Variants in TM9SF2 observed in about 807,000 individuals in gnomAD.
TM9SF2 encodes 76 kDa membrane protein.
A neutral mutation model predicts 84.9 loss-of-function variants in TM9SF2; 13 were observed. The ratio of observed to expected loss-of-function variants is 0.15; its 90% CI spans 0.10 to 0.24. The LOEUF (loss-of-function observed/expected upper bound fraction) is 0.24. Ranked by LOEUF, TM9SF2 falls within the 10% of genes least tolerant of loss-of-function variation. The pLI is 1.00. For missense variants in TM9SF2, 562 were observed against 818.5 expected (o/e 0.69, Z 3.82); for synonymous variants, 273 against 285.8 (o/e 0.96, Z 0.45).
Position 99,502,475 on chromosome 13 carries a change from T to C in TM9SF2, c.171+698T>C, listed in dbSNP as rs182684700. Among the ~76,000 whole-genome samples, 3 of 152,348 alleles carry C rather than the reference T, an allele frequency of 2.0e-5. No individual in the cohort carries two copies. The East Asian group carries it at 5.8e-4, about 29-fold the overall frequency. On this transcript the variant is annotated intron_variant, in intron 1 of 16. Coordinates refer to ENST00000376387, the MANE Select transcript of TM9SF2 (RefSeq NM_004800.3). The stretch of plus-strand genomic sequence containing the variant: ...AATACACAAAAAAAGATACGAGGTC[T>C]CACTATTTTCTCTGAGATGGTTTTA...
rs1427498570 is a variant in TM9SF2 at position 99,559,393 on chromosome 13, A to T, written c.1783A>T (p.Thr595Ser). 1 of 1,601,900 alleles carries T rather than the reference A, an allele frequency of 6.2e-7. No homozygotes were observed. Among genetic ancestry groups the T allele is most frequent in the Non-Finnish European group, 8.5e-7 (1 of 1,176,300 alleles). ...TCATTGGCAATGGCGTTCATTCCTT[A>T]CGAGTGGCTTTACTGCAGTTTATTT... ...DYHWQWRSFL[T>S]SGFTAVYFLI... The change falls in exon 16 of 17, where the codon ACG (threonine) becomes TCG (serine). Residue 595 changes from threonine to serine, a missense_variant. Thr to Ser is a moderately conservative substitution (Grantham distance 58, BLOSUM62 1). Coordinates refer to ENST00000376387, the MANE Select transcript of TM9SF2 (RefSeq NM_004800.3).
At chr13:99,561,953 C>G (rs1314749096) in intron 16 of TM9SF2, among the ~76,000 whole-genome samples, 1 of 152,134 alleles carries the variant, frequency 6.6e-6, no homozygotes, top group South Asian at 2.1e-4. Context: ...TCTTTGGAAT[C>G]TAGACTGATA....
At chr13:99,554,901 G>C (rs2046319775) in intron 14 of TM9SF2, among the ~76,000 whole-genome samples, 1 of 152,148 alleles carries the variant, frequency 6.6e-6, no homozygotes, top group African/African-American at 2.4e-5. Flanking sequence ...TGAAGGGATT[G>C]GTCTAGGTGA....
intron 2 of TM9SF2, among the ~76,000 whole-genome samples, chr13:99,519,008 AG>A (rs1461598100): frequency 2.0e-5 from 3 of 152,082 alleles, no homozygotes; most frequent in Non-Finnish European, 4.4e-5. Context: ...GCTAAAATTT[AG>A]TTTAATTTCT....
At chr13:99,527,185 G>T (rs1190709120) in intron 3 of TM9SF2, among the ~76,000 whole-genome samples, 1 of 152,192 alleles carries the variant, frequency 6.6e-6, no homozygotes, top group Non-Finnish European at 1.5e-5. Flanking sequence ...TGGACTTCTG[G>T]TGGTGACTAA....
intron 1 of TM9SF2, among the ~76,000 whole-genome samples, chr13:99,506,253 A>G (rs2046088226): frequency 6.6e-6 from 1 of 152,222 alleles, no homozygotes; most frequent in Non-Finnish European, 1.5e-5. Flanking sequence ...TAATTTGACC[A>G]TAGAAGTAGT....
At chr13:99,513,733 G>A (rs1566563463) in intron 1 of TM9SF2, among the ~76,000 whole-genome samples, 1 of 152,172 alleles carries the variant, frequency 6.6e-6, no homozygotes, top group Non-Finnish European at 1.5e-5. Context: ...TTAAGTGGTT[G>A]GAGAAAACAA....
At chr13:99,552,118 T>G in intron 12 of TM9SF2, 49 bp from the exon 13 acceptor site, 3 of 1,557,912 alleles carry the variant, frequency 1.9e-6, no homozygotes, top group Non-Finnish European at 2.6e-6. Context: ...ATACTACTGT[T>G]GCATTTTGTT....
Position 99,537,721 on chromosome 13 carries a change from T to C in TM9SF2, c.592-18T>C, listed in dbSNP as rs774211578. On this transcript the variant is annotated intron_variant, in intron 5 of 16. Coordinates refer to ENST00000376387, the MANE Select transcript of TM9SF2 (RefSeq NM_004800.3). ...GTAGTCAGTTTTCTACCTTTAACTT[T>C]TAAGTTCTGTTCTGCAGTCAGATTT... is the stretch of plus-strand genomic sequence containing the variant. 4 of 1,584,006 alleles carry C rather than the reference T, an allele frequency of 2.5e-6. No individual in the cohort carries two copies. The highest frequency in any genetic ancestry group is 2.3e-5 in the East Asian group (1 of 43,912).
rs772063174 is a variant in TM9SF2 at position 99,501,695 on chromosome 13, C to G, written c.89C>G (p.Pro30Arg). The G allele has an allele frequency of 1.9e-5, 31 of 1,611,932 alleles. No homozygotes were observed. In the African/African-American group the frequency reaches 2.7e-4, roughly 14 times the overall value. ...SLLLLGAVPG[P>R]RRSGAFYLPG... ...CTCCTGCTGGGGGCGGTTCCTGGCC[C>G]GCGCCGGAGCGGCGCTTTCTACCTG... is the stretch of plus-strand genomic sequence containing the variant. Residue 30 changes from proline to arginine, a missense_variant, in exon 1 of 17, where the codon CCG becomes CGG. This residue lies in a region of TM9SF2 where 267 missense variants were observed against 316.7 expected (regional missense o/e 0.84). Transcript: ENST00000376387.
At position 99,546,957 on chromosome 13, in the gene TM9SF2, G is replaced by A. The variant is rs1243693940; in HGVS notation, c.1151-28G>A. 1.9e-6 allele frequency: 3 copies of A among 1,613,842 alleles called. No individual in the cohort carries two copies. In the Admixed American group the frequency reaches 5.0e-5, roughly 27 times the overall value. On this transcript the variant is annotated intron_variant, in intron 10 of 16. Coordinates refer to ENST00000376387, the MANE Select transcript of TM9SF2 (RefSeq NM_004800.3). Reference sequence around the variant, plus strand: ...AGCAAAGGAAACAGAGTAATAACATGTACAGCCTTTCACGATTTGTGTTTT... The same window carrying A: ...AGCAAAGGAAACAGAGTAATAACATATACAGCCTTTCACGATTTGTGTTTT...
rs574339619 is a variant in TM9SF2 at position 99,511,933 on chromosome 13, AG to A, written c.172-5679del. On this transcript the variant is annotated intron_variant, in intron 1 of 16. Transcript: ENST00000376387. The stretch of plus-strand genomic sequence containing the variant: ...CTTGTTTCCTCGTGTTAAAGAAGCA[AG>A]GAATCCCTAGTTCATGAGGCTACTA... Among the ~76,000 whole-genome samples the A allele has an allele frequency of 1.2e-3, 186 of 152,354 alleles. 2 individuals carry two copies. The highest frequency in any genetic ancestry group is 4.2e-3 in the African/African-American group (176 of 41,582).
intron 1 of TM9SF2, among the ~76,000 whole-genome samples, chr13:99,502,730 C>T (rs530576415): frequency 2.0e-5 from 3 of 152,272 alleles, no homozygotes; most frequent in South Asian, 2.1e-4. Flanking sequence ...GGATGAGGAT[C>T]TCTTTGAAAC....
At chr13:99,522,363 C>A (rs981689261) in intron 3 of TM9SF2, among the ~76,000 whole-genome samples, 1 of 152,100 alleles carries the variant, frequency 6.6e-6, no homozygotes, top group Non-Finnish European at 1.5e-5. Flanking sequence ...CCTAAAATTG[C>A]CAGTAACTTT....
intron 1 of TM9SF2, chr13:99,514,435 T>C (rs2139074399): frequency 6.6e-6 from 1 of 152,352 alleles, no homozygotes; most frequent in East Asian, 1.9e-4. Context: ...TTGCCCACAG[T>C]ATTTAGTACA....
chr13:99,549,080 T>C (rs2046295351), intron 11 of TM9SF2, 85 bp from the exon 12 acceptor site: 4 of 1,146,624 alleles, frequency 3.5e-6, no homozygotes, highest in Non-Finnish European at 5.2e-6. Flanking sequence ...GTCTGACAGT[T>C]TGGCAAATAT....
At chr13:99,508,664 C>A (rs2046100335) in intron 1 of TM9SF2, among the ~76,000 whole-genome samples, 1 of 152,094 alleles carries the variant, frequency 6.6e-6, no homozygotes, top group Admixed American at 6.6e-5. Context: ...GAAATTTTTA[C>A]TCATGGCAGA....
At chr13:99,538,509 A>G (rs1434631603) in intron 6 of TM9SF2, among the ~76,000 whole-genome samples, 1 of 151,624 alleles carries the variant, frequency 6.6e-6, no homozygotes, top group Non-Finnish European at 1.5e-5. Context: ...AAATAAGATT[A>G]TTTAGCCAGG....
chr13:99,541,543 G>A lies in TM9SF2; in HGVS notation c.909-16G>A, dbSNP rs202202635. 7.0e-6 allele frequency: 11 copies of A among 1,568,998 alleles called. No individual in the cohort carries two copies. The highest frequency in any genetic ancestry group is 7.0e-6 in the Non-Finnish European group (8 of 1,142,498). On this transcript the variant is annotated splice_polypyrimidine_tract_variant and intron_variant, in intron 8 of 16. Coordinates refer to ENST00000376387, the MANE Select transcript of TM9SF2 (RefSeq NM_004800.3). ...GATTAAGCTACAGATTACTCATGAT[G>A]TGCTTATTTCTACAGCATTATGAAT... is the stretch of plus-strand genomic sequence containing the variant.
Sources: gnomAD v4.1 joint callset for allele counts (sites outside exome capture counted in the v4.1 genomes callset) on GRCh38, gnomAD v4.1.1 for gene constraint, gnomAD v4.1.1 regional missense constraint, MANE v1.5 for transcripts, NCBI Gene and HGNC (gene_info 2026-07-23, HGNC 2026-07-21) for gene names.